The following PSAT1 variants were observed in gnomAD, a reference collection of about 807,000 sequenced individuals.
The protein encoded by PSAT1 is phosphoserine aminotransferase 1.
In PSAT1, 41 loss-of-function variants were observed where a neutral mutation model predicts 40.3. The observed-to-expected ratio is 1.02, with a 90% confidence interval of 0.79 to 1.32. PSAT1 has a LOEUF of 1.32. Ranked by LOEUF, PSAT1 falls within the 40% of genes most tolerant of loss-of-function variation. PSAT1 has a pLI of 0.00. For missense variants in PSAT1, 406 were observed against 455.8 expected, an observed-to-expected ratio of 0.89 and a Z score of 0.99; for synonymous variants, 147 against 170.5, an observed-to-expected ratio of 0.86 and a Z score of 1.07.
In PSAT1 at chr9:78,312,692, A is replaced by T. The variant is rs1828285377; in HGVS notation, c.740+4109A>T. 2.0e-5 allele frequency among the ~76,000 whole-genome samples: 3 copies of T among 152,022 alleles called. No homozygotes were observed. In the South Asian group the frequency reaches 6.2e-4, roughly 32 times the overall value. ...GCCTGGGCAATAAGAGCAAAACTCC[A>T]TCTCAAAAATAATAATAATAATAAA... On this transcript the variant is annotated intron_variant, in intron 6 of 8. Coordinates refer to ENST00000376588, the MANE Select transcript of PSAT1 (RefSeq NM_058179.4).
At chr9:78,313,204 A>C (rs552322439) in intron 6 of PSAT1, among the ~76,000 whole-genome samples, 3 of 152,102 alleles carry the variant, frequency 2.0e-5, no homozygotes, top group Non-Finnish European at 4.4e-5. Context: ...TGTCTCTACT[A>C]AAAATACAAA....
chr9:78,320,176 C>T (rs943058450), intron 7 of PSAT1, among the ~76,000 whole-genome samples: 1 of 150,526 alleles, frequency 6.6e-6, no homozygotes, highest in African/African-American at 2.4e-5. Flanking sequence ...CACCTATTCA[C>T]CCATCTACCC....
At chr9:78,321,130 G>A (rs1236970358) in intron 7 of PSAT1, among the ~76,000 whole-genome samples, 1 of 152,126 alleles carries the variant, frequency 6.6e-6, no homozygotes, top group African/African-American at 2.4e-5. Context: ...ATCTCCTGGG[G>A]AATCTGGTCA....
chr9:78,297,194 GC>G lies in PSAT1; in HGVS notation c.-14del. ...TTCGGTCCTCCTTGGCTGACTCACC[GC>G]CCTGGCCGCCGCACCATGGACGCCC... On this transcript the variant is annotated 5_prime_UTR_variant, in exon 1 of 9. Transcript: ENST00000376588. The G allele has an allele frequency of 6.3e-7, 1 of 1,593,902 alleles. No individual in the cohort carries two copies.
intron 7 of PSAT1, among the ~76,000 whole-genome samples, chr9:78,319,192 AGG>A (rs1238074835): frequency 3.3e-5 from 5 of 152,206 alleles, no homozygotes; most frequent in African/African-American, 1.2e-4. Flanking sequence ...GTCCTAACTT[AGG>A]ATTGTACTTT....
chr9:78,306,423 G>A lies in PSAT1; in HGVS notation c.507G>A (p.Lys169=), dbSNP rs201775462. Reference sequence around the variant, plus strand: ...AGTTTGACTTTATACCCGATGTCAAGGGAGCAGTACTGGTTTGTGACATGT... The same window carrying A: ...AGTTTGACTTTATACCCGATGTCAAAGGAGCAGTACTGGTTTGTGACATGT... ...GVEFDFIPDV[K]GAVLVCDMSS... The change falls in exon 5 of 9, where the codon AAG becomes AAA. Residue 169 remains lysine (K), a synonymous_variant. Coordinates refer to ENST00000376588, the MANE Select transcript of PSAT1 (RefSeq NM_058179.4). 9 of 1,614,194 alleles carry A rather than the reference G, an allele frequency of 5.6e-6. No individual in the cohort carries two copies.
At position 78,302,102 on chromosome 9, in the gene PSAT1, CTCT is replaced by C. The variant is rs1310615929; in HGVS notation, c.191+80_191+82del. ...TGGATGTCTTCCAGTATTTTCTACA[CTCT>C]ATTGTTTGTTCAGAATATTTCATAA... On this transcript the variant is annotated intron_variant, in intron 3 of 8. Transcript: ENST00000376588. The C allele has an allele frequency of 1.7e-5, 17 of 997,912 alleles. No individual in the cohort carries two copies. The South Asian group carries it at 2.2e-4, about 13-fold the overall frequency. 61.8% of individuals were successfully genotyped at this position (997,912 alleles called of 1,614,324 possible). A position where few individuals can be genotyped will look rare whatever the true frequency, so the allele number is the denominator to read the frequency against.
In PSAT1 at chr9:78,304,876, C is replaced by T. The variant is rs1180294402; in HGVS notation, c.333C>T (p.Ala111=). ...TGACAGGAGCTTGGTCAGCTAAGGC[C>T]GCAGAAGAAGCCAAGAAGTTTGGGA... ...YVVTGAWSAK[A]AEEAKKFGTI... is the part of the protein sequence containing the mutation. Residue 111 remains alanine (A), a synonymous_variant, in exon 4 of 9, where the codon GCC becomes GCT. Transcript: ENST00000376588. 20 of 1,613,806 alleles carry T rather than the reference C, an allele frequency of 1.2e-5. No individual in the cohort carries two copies. Among genetic ancestry groups the T allele is most frequent in the East Asian group, 4.5e-5 (2 of 44,884 alleles).
At chr9:78,319,947 C>T (rs367556431) in intron 7 of PSAT1, among the ~76,000 whole-genome samples, 190 of 151,434 alleles carry the variant, frequency 1.3e-3, no homozygotes, top group African/African-American at 4.2e-3. Flanking sequence ...TACTCACCCA[C>T]CCATCCACCC....
intron 5 of PSAT1, 58 bp downstream of exon 5, chr9:78,306,544 T>G (rs1197664827): frequency 1.3e-6 from 2 of 1,599,760 alleles, no homozygotes; most frequent in East Asian, 2.2e-5. Flanking sequence ...GCAGGGACAT[T>G]TTAATATATA....
intron 3 of PSAT1, among the ~76,000 whole-genome samples, chr9:78,302,228 T>C (rs1237077421): frequency 1.3e-5 from 2 of 152,232 alleles, no homozygotes; most frequent in Non-Finnish European, 2.9e-5. Context: ...TTGTTTTTAT[T>C]TTATGTGATA....
At chr9:78,317,844 A>T (rs1470013254) in intron 7 of PSAT1, 40 bp downstream of exon 7, 1 of 1,599,542 alleles carries the variant, frequency 6.3e-7, no homozygotes, top group Non-Finnish European at 8.6e-7. Context: ...GCCTCTTGTG[A>T]ATTTAAAACT....
chr9:78,317,759 C>G lies in PSAT1; in HGVS notation c.824C>G (p.Ser275Cys), dbSNP rs1445403505. The G allele has an allele frequency of 6.2e-7, 1 of 1,613,552 alleles. No homozygotes were observed. Among genetic ancestry groups the G allele is most frequent in the Non-Finnish European group, 8.5e-7 (1 of 1,179,764 alleles). The change falls in exon 7 of 9, where the codon TCT becomes TGT. Residue 275 changes from serine (S) to cysteine (C), a missense_variant. Coordinates refer to ENST00000376588, the MANE Select transcript of PSAT1 (RefSeq NM_058179.4). ...ATGGAGAAGCTTAGCTCCATCAAAT[C>G]TCAAACAATTTATGAGATTATTGAT... ...AAMEKLSSIKSQTIYEIIDNS... is the reference protein window; with the variant it reads ...AAMEKLSSIKCQTIYEIIDNS...
intron 1 of PSAT1, among the ~76,000 whole-genome samples, chr9:78,299,713 A>G (rs113119612): frequency 1.1e-3 from 162 of 151,978 alleles, no homozygotes; most frequent in African/African-American, 3.7e-3. Context: ...GGGTTTCACC[A>G]TGTTGGCCAA....
At chr9:78,299,810 C>A (rs999608276) in intron 1 of PSAT1, among the ~76,000 whole-genome samples, 1 of 152,106 alleles carries the variant, frequency 6.6e-6, no homozygotes, top group Non-Finnish European at 1.5e-5. Context: ...CACGCCCGGC[C>A]TTGTCTAATT....
chr9:78,302,380 G>A (rs1364024125), intron 3 of PSAT1, among the ~76,000 whole-genome samples: 1 of 152,054 alleles, frequency 6.6e-6, no homozygotes, highest in Non-Finnish European at 1.5e-5. Context: ...AGGTGTTCTC[G>A]AAGTTTGAGT....
In PSAT1 at chr9:78,329,236, A is replaced by G; in HGVS notation, c.*150A>G. On this transcript the variant is annotated 3_prime_UTR_variant, in exon 9 of 9. Transcript: ENST00000376588. ...TTTTTTGAAAGAACAACAGCAAAAC[A>G]TCCACAACTCTGTAAAGCTGGTGGG... The G allele has an allele frequency of 1.5e-6, 1 of 671,246 alleles. No homozygotes were observed. Among genetic ancestry groups the G allele is most frequent in the African/African-American group, 1.8e-5 (1 of 56,258 alleles). The allele number at this position is 671,246 out of a possible 1,614,324, so 41.6% of individuals were successfully genotyped here. A position where few individuals can be genotyped will look rare whatever the true frequency, so the allele number is the denominator to read the frequency against.
intron 7 of PSAT1, among the ~76,000 whole-genome samples, chr9:78,323,106 C>T (rs1015538716): frequency 6.6e-6 from 1 of 152,074 alleles, no homozygotes; most frequent in Admixed American, 6.6e-5. Context: ...CAGTTGTGCC[C>T]ATCAGTAGGG....
intron 6 of PSAT1, 108 bp downstream of exon 6, chr9:78,308,691 C>A (rs889186701): frequency 1.4e-5 from 19 of 1,337,196 alleles, no homozygotes; most frequent in Non-Finnish European, 1.7e-5. Context: ...CGCGGTGGCT[C>A]ACACCTGTAA....
Sources: gnomAD v4.1 joint callset for allele counts (sites outside exome capture counted in the v4.1 genomes callset) on GRCh38, gnomAD v4.1.1 for gene constraint, MANE v1.5 for transcripts, NCBI Gene and HGNC (gene_info 2026-07-23, HGNC 2026-07-21) for gene names.